Variants in GLIPR1L1 observed in about 807,000 individuals in gnomAD.
GLIPR1L1 encodes the protein GLIPR1 like 1, also known as GLIPR1-like protein 1.
Under a neutral mutation model 29.9 loss-of-function variants are expected in GLIPR1L1, and 26 were observed. The ratio of observed to expected loss-of-function variants is 0.87; its 90% confidence interval spans 0.64 to 1.21. The LOEUF is 1.21. GLIPR1L1 is among the 50% of genes most tolerant of loss of function. GLIPR1L1 has a pLI of 0.00. For synonymous variants in GLIPR1L1, 77 were observed against 97.5 expected, an observed-to-expected ratio of 0.79 and a Z score of 1.24; for missense variants, 305 against 290.3, an observed-to-expected ratio of 1.05 and a Z score of -0.37.
At chr12:75,342,757 T>C (rs753970162) in intron 1 of GLIPR1L1, among the ~76,000 whole-genome samples, 2 of 152,172 alleles carry the variant, frequency 1.3e-5, no homozygotes, top group Non-Finnish European at 2.9e-5. Flanking sequence ...AAATTATATG[T>C]CATAATCAAT....
At chr12:75,343,443 ACT>A (rs1173487208) in intron 1 of GLIPR1L1, among the ~76,000 whole-genome samples, 6 of 152,070 alleles carry the variant, frequency 3.9e-5, no homozygotes, top group African/African-American at 1.4e-4. Context: ...TTGTTTAGTG[ACT>A]CTAATGTACC....
At chr12:75,357,031 A>T (rs879658551) in intron 3 of GLIPR1L1, among the ~76,000 whole-genome samples, 33 of 148,122 alleles carry the variant, frequency 2.2e-4, no homozygotes, top group East Asian at 9.7e-4. Flanking sequence ...TAGAAAAATT[A>T]AAAAAAAAAA....
intron 3 of GLIPR1L1, among the ~76,000 whole-genome samples, chr12:75,358,832 T>C (rs190324889): frequency 4.8e-4 from 69 of 143,474 alleles, no homozygotes; most frequent in African/African-American, 1.7e-3. Context: ...ATATAATATA[T>C]AACAATATAT....
intron 3 of GLIPR1L1, among the ~76,000 whole-genome samples, chr12:75,358,591 T>C (rs2043309834): frequency 6.6e-6 from 1 of 150,768 alleles, no homozygotes; most frequent in African/African-American, 2.4e-5. Flanking sequence ...ACCACTAACA[T>C]TATGCCTAAT....
chr12:75,363,057 G>A, intron 3 of GLIPR1L1, 45 bp from the exon 4 acceptor site: 1 of 1,018,292 alleles, frequency 9.8e-7, no homozygotes, highest in Non-Finnish European at 1.5e-6. Flanking sequence ...CAAAATTGGA[G>A]AAATTAACAG....
chr12:75,365,613 T>C (rs1387457632), intron 4 of GLIPR1L1, among the ~76,000 whole-genome samples: 4 of 152,182 alleles, frequency 2.6e-5, no homozygotes, highest in African/African-American at 9.6e-5. Context: ...TGAATATACA[T>C]TGTTAAATAT....
intron 1 of GLIPR1L1, 129 bp from the exon 2 acceptor site, chr12:75,343,563 TA>T: frequency 1.4e-6 from 1 of 721,154 alleles, no homozygotes; most frequent in Non-Finnish European, 2.2e-6. Flanking sequence ...ATGCACATAA[TA>T]AATACCAAAG....
At chr12:75,337,793 TA>T (rs1202078429) in intron 1 of GLIPR1L1, among the ~76,000 whole-genome samples, 2 of 152,038 alleles carry the variant, frequency 1.3e-5, no homozygotes, top group African/African-American at 2.4e-5. Flanking sequence ...AAGTATTGCT[TA>T]TTTTTTTATT....
At chr12:75,364,791 T>A (rs2043854763) in intron 4 of GLIPR1L1, 1 of 152,196 alleles carries the variant, frequency 6.6e-6, no homozygotes, top group African/African-American at 2.4e-5. Context: ...TCTTTAGTAA[T>A]GTGTCCCAAG....
At chr12:75,341,350 T>A (rs963684394) in intron 1 of GLIPR1L1, among the ~76,000 whole-genome samples, 4 of 152,154 alleles carry the variant, frequency 2.6e-5, no homozygotes, top group Admixed American at 6.5e-5. Context: ...ACATGTAACA[T>A]CCCCATGGCT....
intron 3 of GLIPR1L1, among the ~76,000 whole-genome samples, chr12:75,352,956 C>T (rs911453196): frequency 7.9e-5 from 12 of 151,898 alleles, no homozygotes; most frequent in Admixed American, 5.9e-4. Context: ...ATAAGAACAA[C>T]GATATAACAC....
Position 75,358,815 on chromosome 12 carries a change from T to C in GLIPR1L1, c.522-4287T>C, listed in dbSNP as rs566580574. ...CAATATATAATATATTATATATGTT[T>C]AAATATATATAATATATAACAATAT... is the stretch of plus-strand genomic sequence containing the variant. On this transcript the variant is annotated intron_variant, in intron 3 of 5. Transcript: ENST00000378695. Among the ~76,000 whole-genome samples, 568 of 144,414 alleles carry C rather than the reference T, an allele frequency of 3.9e-3. 2 individuals carry two copies. Among genetic ancestry groups the C allele is most frequent in the African/African-American group, 0.014 (545 of 39,780 alleles). The allele number at this position is 144,414 out of a possible 152,430, so 94.7% of individuals were successfully genotyped here.
intron 2 of GLIPR1L1, 84 bp downstream of exon 2, chr12:75,344,022 C>T: frequency 8.8e-7 from 1 of 1,138,116 alleles, no homozygotes; most frequent in Non-Finnish European, 1.2e-6. Context: ...TGTAAAGTGC[C>T]TTTATTTTTC....
chr12:75,347,368 G>A (rs775376647), intron 2 of GLIPR1L1, among the ~76,000 whole-genome samples: 2 of 151,884 alleles, frequency 1.3e-5, no homozygotes, highest in Admixed American at 6.6e-5. Context: ...TATGAATTTG[G>A]TTATATATTA....
At chr12:75,361,350 A>C (rs1234126690) in intron 3 of GLIPR1L1, among the ~76,000 whole-genome samples, 1 of 152,222 alleles carries the variant, frequency 6.6e-6, no homozygotes, top group Non-Finnish European at 1.5e-5. Context: ...CAAGAAAACA[A>C]GTTCTCAATC....
intron 1 of GLIPR1L1, among the ~76,000 whole-genome samples, chr12:75,338,309 G>A (rs2041869861): frequency 6.6e-6 from 1 of 151,952 alleles, no homozygotes; most frequent in African/African-American, 2.4e-5. Context: ...AACATAATCA[G>A]GAACAAAACT....
chr12:75,345,080 G>T (rs1406218286), intron 2 of GLIPR1L1, among the ~76,000 whole-genome samples: 1 of 152,002 alleles, frequency 6.6e-6, no homozygotes, highest in East Asian at 1.9e-4. Flanking sequence ...TCTGCACATT[G>T]TCCTAGTGTG....
intron 1 of GLIPR1L1, among the ~76,000 whole-genome samples, chr12:75,340,138 T>C (rs1017589493): frequency 2.7e-5 from 4 of 150,094 alleles, no homozygotes; most frequent in Admixed American, 6.6e-5. Flanking sequence ...TATACACACA[T>C]ATATATAAAA....
intron 1 of GLIPR1L1, among the ~76,000 whole-genome samples, chr12:75,342,950 AG>A (rs1350166742): frequency 1.5e-5 from 2 of 131,804 alleles, no homozygotes; most frequent in Admixed American, 7.5e-5. Flanking sequence ...TAGAATATAT[AG>A]ATATATAATA....
Sources: allele counts gnomAD v4.1 joint callset (sites outside exome capture counted in the v4.1 genomes callset), GRCh38; gene constraint gnomAD v4.1.1; transcripts MANE v1.5; gene names NCBI Gene and HGNC (gene_info 2026-07-23, HGNC 2026-07-21).